The following RGS21 variants were observed in gnomAD, a reference collection of about 807,000 sequenced individuals.
The protein encoded by RGS21 is regulator of G-protein signalling 21.
In RGS21, 19 loss-of-function variants were observed where a neutral mutation model predicts 18.7. The observed-to-expected ratio is 1.01, with a 90% CI of 0.71 to 1.49. The LOEUF is 1.49. RGS21 is among the 40% of genes most tolerant of loss of function. The pLI is 0.00. For synonymous variants in RGS21, 56 were observed against 57.8 expected (o/e 0.97, Z 0.14); for missense variants, 194 against 176.8 (o/e 1.10, Z -0.55).
At chr1:192,319,539 A>G (rs565549904) in intron 1 of RGS21, among the ~76,000 whole-genome samples, 3 of 152,168 alleles carry the variant, frequency 2.0e-5, no homozygotes, top group African/African-American at 7.2e-5. Flanking sequence ...AAGCAACCTT[A>G]CCTCCATATT....
rs147284557 is a variant in RGS21, at chr1:192,340,402, C to T, written c.-60-2575C>T. Among the ~76,000 whole-genome samples, 180 of 152,236 alleles carry T rather than the reference C, an allele frequency of 1.2e-3. 1 individual carries two copies. The Middle Eastern group carries it at 0.024, about 20-fold the overall frequency. Reference sequence around the variant, plus strand: ...ATCAATACTATCAGTAGCAAAGAGACTCAGAAAGGTCAAGGTTATTGTCCA... The same window carrying T: ...ATCAATACTATCAGTAGCAAAGAGATTCAGAAAGGTCAAGGTTATTGTCCA... On this transcript the variant is annotated intron_variant, in intron 1 of 4. Coordinates refer to ENST00000417209, the MANE Select transcript of RGS21 (RefSeq NM_001039152.3).
intron 1 of RGS21, among the ~76,000 whole-genome samples, chr1:192,327,944 A>G (rs1243301292): frequency 1.3e-5 from 2 of 152,222 alleles, no homozygotes; most frequent in African/African-American, 4.8e-5. Flanking sequence ...ACATATAGCA[A>G]CTGAAGATTT....
At chr1:192,351,894 G>C (rs543814632) in intron 3 of RGS21, among the ~76,000 whole-genome samples, 153 bp from the exon 4 acceptor site, 1 of 150,456 alleles carries the variant, frequency 6.6e-6, no homozygotes. Context: ...GTTTTCTAGA[G>C]TTAGCAACTA....
chr1:192,344,275 A>G (rs1658915882), intron 2 of RGS21, among the ~76,000 whole-genome samples: 1 of 152,088 alleles, frequency 6.6e-6, no homozygotes, highest in African/African-American at 2.4e-5. Context: ...AATGTTCCAA[A>G]ACATGAATAA....
chr1:192,321,636 CTT>C (rs977951598), intron 1 of RGS21, among the ~76,000 whole-genome samples: 26 of 152,000 alleles, frequency 1.7e-4, no homozygotes, highest in African/African-American at 4.8e-4. Flanking sequence ...CATTTTTACT[CTT>C]ATATTAATCA....
chr1:192,346,004 G>GA (rs111652992), intron 2 of RGS21, among the ~76,000 whole-genome samples: 55 of 151,412 alleles, frequency 3.6e-4, no homozygotes, highest in Admixed American at 1.3e-3. Flanking sequence ...CTATTTGAAT[G>GA]AAAAAAAACA....
intron 4 of RGS21, among the ~76,000 whole-genome samples, chr1:192,358,472 A>G (rs1659139684): frequency 6.6e-6 from 1 of 152,042 alleles, no homozygotes; most frequent in African/African-American, 2.4e-5. Context: ...AGTGGTGATT[A>G]AAAGAATTAG....
chr1:192,355,997 A>G (rs1659106479), intron 4 of RGS21, among the ~76,000 whole-genome samples: 1 of 151,702 alleles, frequency 6.6e-6, no homozygotes, highest in African/African-American at 2.4e-5. Flanking sequence ...CACACTGTCA[A>G]CAATCCAGGA....
At chr1:192,319,823 C>T (rs952885681) in intron 1 of RGS21, among the ~76,000 whole-genome samples, 1 of 152,036 alleles carries the variant, frequency 6.6e-6, no homozygotes, top group African/African-American at 2.4e-5. Context: ...TATGTGCCTG[C>T]CATTAGACTG....
intron 1 of RGS21, among the ~76,000 whole-genome samples, chr1:192,318,046 T>G (rs1658443811): frequency 6.6e-6 from 1 of 152,074 alleles, no homozygotes; most frequent in Non-Finnish European, 1.5e-5. Context: ...TGCTGGCAAC[T>G]CTTTCTCCTG....
Position 192,366,774 on chromosome 1 carries a change from C to T in RGS21, c.*650C>T, listed in dbSNP as rs1170668073. On this transcript the variant is annotated 3_prime_UTR_variant, in exon 5 of 5. Coordinates refer to ENST00000417209, the MANE Select transcript of RGS21 (RefSeq NM_001039152.3). ...ATGTGATGAGTTATGTATGAAAAGG[C>T]CTCAAGGGTGGGGAATACTGATTTT... 1 of 151,780 alleles carries T rather than the reference C, an allele frequency of 6.6e-6. No homozygotes were observed. Among genetic ancestry groups the T allele is most frequent in the Non-Finnish European group, 1.5e-5 (1 of 67,914 alleles). 9.4% of individuals were successfully genotyped at this position (151,780 alleles called of 1,614,324 possible).
intron 1 of RGS21, among the ~76,000 whole-genome samples, chr1:192,332,421 T>C (rs922447218): frequency 6.6e-6 from 1 of 152,178 alleles, no homozygotes; most frequent in African/African-American, 2.4e-5. Context: ...GGCAAAAAAG[T>C]CAACCTTGTT....
chr1:192,324,763 A>T (rs186487759), intron 1 of RGS21, among the ~76,000 whole-genome samples: 5 of 152,208 alleles, frequency 3.3e-5, no homozygotes, highest in Non-Finnish European at 5.9e-5. Flanking sequence ...ATTAAACACT[A>T]CTTATCCTAA....
chr1:192,326,033 A>G (rs1367579632), intron 1 of RGS21, among the ~76,000 whole-genome samples: 2 of 152,128 alleles, frequency 1.3e-5, no homozygotes, highest in Non-Finnish European at 2.9e-5. Flanking sequence ...AAGATAAAAT[A>G]TGGCTCTTCT....
In RGS21 at chr1:192,354,229, C is replaced by T. The variant is rs1253091064; in HGVS notation, c.255+2016C>T. On this transcript the variant is annotated intron_variant, in intron 4 of 4. Coordinates refer to ENST00000417209, the MANE Select transcript of RGS21 (RefSeq NM_001039152.3). ...GAGACTGACACATAATAAAACTAGT[C>T]AAATACACAATAGGTGATATAATAA... is the stretch of plus-strand genomic sequence containing the variant. 4.6e-5 allele frequency among the ~76,000 whole-genome samples: 7 copies of T among 151,676 alleles called. No homozygotes were observed. In the South Asian group the frequency reaches 1.5e-3, roughly 32 times the overall value.
intron 4 of RGS21, among the ~76,000 whole-genome samples, chr1:192,360,798 TA>T (rs1299204280): frequency 1.3e-5 from 2 of 152,158 alleles, no homozygotes; most frequent in Non-Finnish European, 2.9e-5. Context: ...GTCTCCTTTT[TA>T]ATATTTCATA....
rs1264778334 is a variant in RGS21, at chr1:192,366,269, C to T, written c.*145C>T. 2 of 606,500 alleles carry T rather than the reference C, an allele frequency of 3.3e-6. No individual in the cohort carries two copies. The highest frequency in any genetic ancestry group is 5.7e-6 in the Non-Finnish European group (2 of 347,880). 37.6% of individuals were successfully genotyped at this position (606,500 alleles called of 1,614,324 possible). ...ATGAATAACGTTTTATACAACAAGC[C>T]TGAATTTCTAACTCAGTTGTTTAGA... On this transcript the variant is annotated 3_prime_UTR_variant, in exon 5 of 5. Coordinates refer to ENST00000417209, the MANE Select transcript of RGS21 (RefSeq NM_001039152.3).
intron 4 of RGS21, among the ~76,000 whole-genome samples, chr1:192,353,083 A>T (rs2102234865): frequency 6.6e-6 from 1 of 152,170 alleles, no homozygotes; most frequent in Non-Finnish European, 1.5e-5. Flanking sequence ...TGAAATGCTG[A>T]CATCTTTATA....
intron 1 of RGS21, among the ~76,000 whole-genome samples, chr1:192,320,018 T>A (rs1197660663): frequency 9.9e-5 from 15 of 152,074 alleles, no homozygotes; most frequent in African/African-American, 3.4e-4. Context: ...AGTGAAGTAT[T>A]TTATAGCAAT....
Sources: allele counts gnomAD v4.1 joint callset (sites outside exome capture counted in the v4.1 genomes callset), GRCh38; gene constraint gnomAD v4.1.1; transcripts MANE v1.5; gene names NCBI Gene and HGNC (gene_info 2026-07-23, HGNC 2026-07-21).